Variants in RAB33A observed in about 807,000 individuals in gnomAD.
The protein encoded by RAB33A is RAB33A, member RAS oncogene family.
Under a neutral mutation model 12.0 loss-of-function variants are expected in RAB33A, and 6 were observed. The ratio of observed to expected loss-of-function variants is 0.50; its 90% CI spans 0.27 to 0.99. The LOEUF is 0.99. Ranked by LOEUF, RAB33A falls within the 50% of genes least tolerant of loss-of-function variation. RAB33A has a pLI of 0.11. For missense variants in RAB33A, 109 were observed against 192.0 expected, an observed-to-expected ratio of 0.57 and a Z score of 2.55; for synonymous variants, 70 against 82.4, an observed-to-expected ratio of 0.85 and a Z score of 0.81.
At chrX:130,120,371 C>T in the RAB33A span, among the ~76,000 whole-genome samples, 2 of 111,791 alleles carry the variant, frequency 1.8e-5, no homozygotes, top group South Asian at 7.5e-4. Context: ...AGGCTGCGCC[C>T]CAGCCTTGGC....
the RAB33A span, chrX:130,136,939 A>G: frequency 8.7e-7 from 1 of 1,143,352 alleles, no homozygotes; most frequent in Non-Finnish European, 1.2e-6. Flanking sequence ...AGATGAACTT[A>G]GCTGACTGGA....
At chrX:130,135,704 C>T in the RAB33A span, among the ~76,000 whole-genome samples, 584 of 111,694 alleles carry the variant, frequency 5.2e-3, 2 homozygotes, top group African/African-American at 0.018. Flanking sequence ...CTCCATCCTC[C>T]GGATTCAAGT....
At chrX:130,128,304 G>C in the RAB33A span, among the ~76,000 whole-genome samples, 2 of 111,772 alleles carry the variant, frequency 1.8e-5, no homozygotes, top group African/African-American at 6.5e-5. Flanking sequence ...CGGGCGCGGT[G>C]ACTCACACCT....
At chrX:130,152,779 C>T in the RAB33A span, among the ~76,000 whole-genome samples, 1 of 111,632 alleles carries the variant, frequency 9.0e-6, no homozygotes, top group Non-Finnish European at 1.9e-5. Flanking sequence ...ATTTACAATC[C>T]GAGCAGCAGA....
the RAB33A span, among the ~76,000 whole-genome samples, chrX:130,115,053 C>G: frequency 4.6e-5 from 5 of 108,546 alleles, no homozygotes; most frequent in Admixed American, 4.1e-4. Context: ...ATTCTCTCAC[C>G]TCGGCCTCCC....
chrX:130,165,660 G>C, the RAB33A span: 5 of 1,186,663 alleles, frequency 4.2e-6, no homozygotes, highest in Admixed American at 4.6e-5. Context: ...GGAACATTTC[G>C]GCGACCGCTA....
At position 130,178,647 on chromosome X, in the gene RAB33A, A is replaced by T. The variant is rs190971094; in HGVS notation, c.259-5638A>T. On this transcript the variant is annotated intron_variant, in intron 1 of 1. Coordinates refer to ENST00000257017, the MANE Select transcript of RAB33A (RefSeq NM_004794.3). ...CATGTCTGATTTTTTAAAATTAATTAATTAATTTATTTATTTATTTTTGAG... is the reference window on the plus strand; with the variant it reads ...CATGTCTGATTTTTTAAAATTAATTTATTAATTTATTTATTTATTTTTGAG... 8.8e-3 allele frequency among the ~76,000 whole-genome samples: 960 copies of T among 108,957 alleles called. 8 individuals are homozygous for T. Among genetic ancestry groups the T allele is most frequent in the African/African-American group, 0.028 (846 of 29,838 alleles). 94.6% of individuals were successfully genotyped at this position (108,957 alleles called of 115,157 possible). A position where few individuals can be genotyped will look rare whatever the true frequency, so the allele number is the denominator to read the frequency against.
intron 1 of RAB33A, among the ~76,000 whole-genome samples, chrX:130,181,710 C>G (rs2031728224): frequency 8.9e-6 from 1 of 111,770 alleles, no homozygotes; most frequent in Admixed American, 9.5e-5. Flanking sequence ...AATCCCAGCA[C>G]TTTGGGAGGC....
the RAB33A span, among the ~76,000 whole-genome samples, chrX:130,113,848 C>T: frequency 8.9e-6 from 1 of 112,062 alleles, no homozygotes; most frequent in African/African-American, 3.2e-5. Context: ...ACTTCCCTGC[C>T]CCCAGCCTCA....
intron 1 of RAB33A, among the ~76,000 whole-genome samples, chrX:130,177,851 G>A (rs2124686673): frequency 8.9e-6 from 1 of 112,160 alleles, no homozygotes; most frequent in East Asian, 2.8e-4. Context: ...CATGTATGTG[G>A]CTGTGGCTAA....
At chrX:130,138,596 T>G in the RAB33A span, 2 of 1,199,699 alleles carry the variant, frequency 1.7e-6, no homozygotes, top group African/African-American at 3.5e-5. Context: ...TACTCACCCT[T>G]TCTGCCAAGA....
rs753647093 is a variant in RAB33A at position 130,184,348 on chromosome X, C to T, written c.322C>T (p.Arg108Cys). 4.1e-6 allele frequency: 5 copies of T among 1,211,957 alleles called. No individual in the cohort carries two copies. The highest frequency in any genetic ancestry group is 3.0e-5 in the East Asian group (1 of 33,878). The change falls in exon 2 of 2, where the codon CGC (arginine) becomes TGC (cysteine). Residue 108 changes from arginine (R) to cysteine (C), a missense_variant. Arg to Cys is a radical substitution (Grantham distance 180). Coordinates refer to ENST00000257017, the MANE Select transcript of RAB33A (RefSeq NM_004794.3). ...FRKSMVEHYY[R>C]NVHAVVFVYD... The stretch of plus-strand genomic sequence containing the variant: ...CAAAAGCATGGTCGAGCATTACTAC[C>T]GCAACGTACATGCCGTGGTCTTCGT...
At chrX:130,138,730 A>G in the RAB33A span, 1 of 1,043,495 alleles carries the variant, frequency 9.6e-7, no homozygotes, top group Non-Finnish European at 1.3e-6. Flanking sequence ...TTAGTCCATT[A>G]ATTTCCAAAA....
the RAB33A span, among the ~76,000 whole-genome samples, chrX:130,115,665 G>GAGAGAA: frequency 1.0e-5 from 1 of 96,371 alleles, no homozygotes; most frequent in African/African-American, 3.9e-5. Flanking sequence ...AAGAGAGAAA[G>GAGAGAA]AGAGAGAGAG....
chrX:130,130,015 C>T, the RAB33A span: 1 of 1,211,689 alleles, frequency 8.3e-7, no homozygotes, highest in Non-Finnish European at 1.1e-6. Flanking sequence ...ATAGCACAAT[C>T]CCCACGACCA....
At chrX:130,164,447 TTA>T in the RAB33A span, among the ~76,000 whole-genome samples, 3 of 112,725 alleles carry the variant, frequency 2.7e-5, no homozygotes, top group Admixed American at 9.4e-5. Context: ...TTTCCACTTT[TTA>T]TTTTTAAAGC....
At chrX:130,130,784 C>G in the RAB33A span, among the ~76,000 whole-genome samples, 1 of 111,912 alleles carries the variant, frequency 8.9e-6, no homozygotes, top group East Asian at 2.8e-4. Context: ...ATAGTGGAGG[C>G]ATTTCTTCCT....
intron 1 of RAB33A, among the ~76,000 whole-genome samples, chrX:130,182,179 T>TATATACACTC (rs370694549): frequency 1.4e-5 from 1 of 72,698 alleles, no homozygotes; most frequent in Non-Finnish European, 2.4e-5. Flanking sequence ...TATATATATA[T>TATATACACTC]ATACACATAT....
At chrX:130,130,388 G>T in the RAB33A span, among the ~76,000 whole-genome samples, 2 of 111,349 alleles carry the variant, frequency 1.8e-5, no homozygotes, top group African/African-American at 6.5e-5. Context: ...CTGGGCACAG[G>T]GTCAGTCTGA....
Sources: gnomAD v4.1 joint callset for allele counts (sites outside exome capture counted in the v4.1 genomes callset) on GRCh38, gnomAD v4.1.1 for gene constraint, MANE v1.5 for transcripts, NCBI Gene and HGNC (gene_info 2026-07-23, HGNC 2026-07-21) for gene names.